CAB39L: variants seen among roughly 807,000 people sequenced by gnomAD.
CAB39L encodes the protein calcium binding protein 39 like, also known as calcium-binding protein 39-like.
Under a neutral mutation model 39.1 loss-of-function variants are expected in CAB39L, and 23 were observed. The observed-to-expected ratio is 0.59, with a 90% CI of 0.42 to 0.83. The LOEUF (loss-of-function observed/expected upper bound fraction) is 0.83. Among genes scored for constraint, CAB39L ranks in the 40% least tolerant of loss-of-function variants. The pLI, the probability that CAB39L is intolerant of heterozygous loss-of-function variation, is 0.00. For missense variants in CAB39L, 366 were observed against 391.9 expected (o/e 0.93, Z 0.56); for synonymous variants, 126 against 137.2 (o/e 0.92, Z 0.57).
chr13:49,396,496 G>A (rs1956631864), intron 3 of CAB39L, among the ~76,000 whole-genome samples: 1 of 152,118 alleles, frequency 6.6e-6, no homozygotes, highest in Non-Finnish European at 1.5e-5. Flanking sequence ...ATCACATGAG[G>A]TCAGGAGATT....
intron 10 of CAB39L, among the ~76,000 whole-genome samples, chr13:49,325,937 C>T (rs1022676128): frequency 1.3e-5 from 2 of 152,134 alleles, no homozygotes; most frequent in African/African-American, 2.4e-5. Context: ...GTTCTACATA[C>T]TTTTTTGGCT....
intron 1 of CAB39L, 89 bp from the exon 2 acceptor site, chr13:49,434,312 C>G (rs1957373963): frequency 2.7e-6 from 1 of 375,402 alleles, no homozygotes; most frequent in African/African-American, 2.1e-5. Flanking sequence ...ACTGGCTAAT[C>G]TGAAGCAAAT....
chr13:49,426,358 A>G (rs1957244613), intron 3 of CAB39L, among the ~76,000 whole-genome samples: 1 of 152,242 alleles, frequency 6.6e-6, no homozygotes, highest in African/African-American at 2.4e-5. Flanking sequence ...TTTCCTGACA[A>G]TGCCTTGGAT....
At position 49,359,794 on chromosome 13, in the gene CAB39L, C is replaced by T. The variant is rs1955582589; in HGVS notation, c.315G>A (p.Leu105=). 1 of 1,612,666 alleles carries T rather than the reference C, an allele frequency of 6.2e-7. No homozygotes were observed. Among genetic ancestry groups the T allele is most frequent in the South Asian group, 1.1e-5 (1 of 90,992 alleles). ...GACTCCGAGTGCCTATCTGTCTTCT[C>T]AAGATGTTGTTAAATATCTGGGTCA... ...KDVTQIFNNI[L]RRQIGTRSPT... Residue 105 remains leucine, a synonymous_variant, in exon 6 of 11, where the codon TTG becomes TTA. Transcript: ENST00000409308.
At chr13:49,397,943 T>C (rs1050342750) in intron 3 of CAB39L, among the ~76,000 whole-genome samples, 3 of 151,884 alleles carry the variant, frequency 2.0e-5, no homozygotes, top group Admixed American at 1.3e-4. Context: ...CATAACAAAT[T>C]TTGGTTAGTT....
At chr13:49,348,554 T>G (rs1955246982) in intron 7 of CAB39L, among the ~76,000 whole-genome samples, 1 of 151,912 alleles carries the variant, frequency 6.6e-6, no homozygotes, top group South Asian at 2.1e-4. Flanking sequence ...GGTGAGGGAG[T>G]GAGACCTTGT....
intron 8 of CAB39L, 74 bp downstream of exon 8, chr13:49,344,105 G>C: frequency 1.2e-6 from 1 of 858,098 alleles, no homozygotes; most frequent in South Asian, 1.4e-5. Flanking sequence ...ATAATTCACA[G>C]GGGCAATTGC....
chr13:49,443,756 T>TCACCAC (rs985297843), intron 1 of CAB39L, among the ~76,000 whole-genome samples: 2 of 151,504 alleles, frequency 1.3e-5, no homozygotes, highest in East Asian at 1.9e-4. Flanking sequence ...ACCACAACCA[T>TCACCAC]CACCACCACC....
chr13:49,377,423 C>A lies in CAB39L; in HGVS notation c.112-292G>T, dbSNP rs913138182. On this transcript the variant is annotated intron_variant, in intron 4 of 10. Transcript: ENST00000409308. ...TCCCTCTCCCTCTCCCTCTGTCTCC[C>A]TCTCCCCACGGTCTCCCTCTCATGC... is the stretch of plus-strand genomic sequence containing the variant. Among the ~76,000 whole-genome samples the A allele has an allele frequency of 4.1e-5, 4 of 96,548 alleles. 1 individual carries two copies. Among genetic ancestry groups the A allele is most frequent in the Admixed American group, 1.8e-4 (2 of 10,886 alleles). The allele number at this position is 96,548 out of a possible 152,430, so 63.3% of individuals were successfully genotyped here. A position where few individuals can be genotyped will look rare whatever the true frequency, so the allele number is the denominator to read the frequency against.
intron 10 of CAB39L, among the ~76,000 whole-genome samples, chr13:49,313,581 G>A (rs776587487): frequency 3.0e-4 from 46 of 152,112 alleles, no homozygotes; most frequent in Non-Finnish European, 6.2e-4. Flanking sequence ...TTTCTATGAA[G>A]TTCCACAGAG....
chr13:49,311,079 C>CGCT, intron 10 of CAB39L, 86 bp from the exon 11 acceptor site: 8 of 1,214,430 alleles, frequency 6.6e-6, no homozygotes, highest in African/African-American at 4.5e-5. Context: ...ACCTCACCCA[C>CGCT]ACTACTCGCG....
At chr13:49,408,011 C>T (rs1003297725) in intron 3 of CAB39L, among the ~76,000 whole-genome samples, 5 of 151,964 alleles carry the variant, frequency 3.3e-5, no homozygotes, top group Middle Eastern at 3.2e-3. Context: ...AAATAATTTG[C>T]GGACAAAACA....
intron 3 of CAB39L, among the ~76,000 whole-genome samples, chr13:49,398,176 T>C (rs553252406): frequency 1.1e-4 from 16 of 152,200 alleles, no homozygotes; most frequent in Middle Eastern, 3.4e-3. Flanking sequence ...TCTTTCATCC[T>C]TCCAAAGTTG....
At chr13:49,405,502 C>T (rs865967305) in intron 3 of CAB39L, among the ~76,000 whole-genome samples, 4 of 151,844 alleles carry the variant, frequency 2.6e-5, no homozygotes, top group South Asian at 4.2e-4. Flanking sequence ...GGGCCAGGCA[C>T]GGTAGCTCAC....
At chr13:49,408,723 C>T (rs1396903322) in intron 3 of CAB39L, among the ~76,000 whole-genome samples, 2 of 151,940 alleles carry the variant, frequency 1.3e-5, no homozygotes, top group Non-Finnish European at 2.9e-5. Flanking sequence ...CCCAGCTACT[C>T]GAGGGGTTGA....
chr13:49,330,744 C>T (rs1182221599), intron 10 of CAB39L, among the ~76,000 whole-genome samples: 2 of 150,072 alleles, frequency 1.3e-5, no homozygotes, highest in African/African-American at 4.9e-5. Context: ...AAATCTGGAA[C>T]TCTCTGAATG....
chr13:49,418,716 C>G (rs1957123627), intron 3 of CAB39L, among the ~76,000 whole-genome samples: 1 of 152,094 alleles, frequency 6.6e-6, no homozygotes, highest in African/African-American at 2.4e-5. Flanking sequence ...GCATGTGCAA[C>G]CATGCCCGGC....
chr13:49,382,767 C>T (rs760682045), intron 4 of CAB39L, 33 bp downstream of exon 4: 1 of 1,368,742 alleles, frequency 7.3e-7, no homozygotes, highest in Admixed American at 1.8e-5. Flanking sequence ...GATGCATGTA[C>T]TTTAATCATA....
intron 3 of CAB39L, among the ~76,000 whole-genome samples, chr13:49,389,767 T>C (rs1956448013): frequency 6.6e-6 from 1 of 152,224 alleles, no homozygotes; most frequent in South Asian, 2.1e-4. Context: ...CACAGCTGTG[T>C]AGTGTGAGTT....
Sources: gnomAD v4.1 joint callset for allele counts (sites outside exome capture counted in the v4.1 genomes callset) on GRCh38, gnomAD v4.1.1 for gene constraint, MANE v1.5 for transcripts, NCBI Gene and HGNC (gene_info 2026-07-23, HGNC 2026-07-21) for gene names.